The following TC2N variants were observed in gnomAD, a reference collection of about 807,000 sequenced individuals.
TC2N encodes the protein tandem C2 domains nuclear protein.
A neutral mutation model predicts 61.9 loss-of-function variants in TC2N; 51 were observed. The observed-to-expected ratio is 0.82, with a 90% CI of 0.66 to 1.04. TC2N has a LOEUF of 1.04. Ranked by LOEUF, TC2N falls within the 50% of genes least tolerant of loss-of-function variation. The pLI is 0.00. For synonymous variants in TC2N, 204 were observed against 192.6 expected, an observed-to-expected ratio of 1.06 and a Z score of -0.49; for missense variants, 556 against 566.7, an observed-to-expected ratio of 0.98 and a Z score of 0.19.
chr14:91,809,837 C>T (rs1374563628), intron 3 of TC2N, among the ~76,000 whole-genome samples: 2 of 152,112 alleles, frequency 1.3e-5, no homozygotes, highest in African/African-American at 2.4e-5. Flanking sequence ...AACTACCACC[C>T]AAGAGCTGCC....
intron 4 of TC2N, among the ~76,000 whole-genome samples, chr14:91,801,196 A>T (rs529201120): frequency 2.0e-5 from 3 of 152,034 alleles, no homozygotes; most frequent in Non-Finnish European, 4.4e-5. Context: ...TAATCACTTA[A>T]GCAGTTTGTT....
intron 3 of TC2N, among the ~76,000 whole-genome samples, chr14:91,807,485 C>T (rs890245287): frequency 6.6e-6 from 1 of 152,184 alleles, no homozygotes; most frequent in East Asian, 1.9e-4. Context: ...GACCTGGATG[C>T]GAGACATGGA....
At position 91,781,770 on chromosome 14, in the gene TC2N, G is replaced by A. The variant is rs1885143674; in HGVS notation, c.*1330C>T. The A allele has an allele frequency of 6.6e-6, 1 of 152,060 alleles. No individual in the cohort carries two copies. Among genetic ancestry groups the A allele is most frequent in the Non-Finnish European group, 1.5e-5 (1 of 67,972 alleles). The allele number at this position is 152,060 out of a possible 1,614,324, so 9.4% of individuals were successfully genotyped here. A position where few individuals can be genotyped will look rare whatever the true frequency, so the allele number is the denominator to read the frequency against. On this transcript the variant is annotated 3_prime_UTR_variant, in exon 12 of 12. Coordinates refer to ENST00000435962, the MANE Select transcript of TC2N (RefSeq NM_001128596.3). ...TAGAAGCAAAGGGGATATAAGATGT[G>A]GACATTTTGTAGCTTGAGGAGATGG... is the stretch of plus-strand genomic sequence containing the variant.
At chr14:91,853,890 ATT>A (rs1253540877) in intron 1 of TC2N, among the ~76,000 whole-genome samples, 1 of 152,016 alleles carries the variant, frequency 6.6e-6, no homozygotes, top group Admixed American at 6.6e-5. Context: ...TGTGGGATGC[ATT>A]GTTTGTGCAA....
At chr14:91,816,693 G>A (rs1182037237) in intron 1 of TC2N, among the ~76,000 whole-genome samples, 3 of 151,830 alleles carry the variant, frequency 2.0e-5, no homozygotes, top group Non-Finnish European at 4.4e-5. Flanking sequence ...CTGACATCCT[G>A]TTATACAGTA....
chr14:91,818,681 C>T (rs1032500072), intron 1 of TC2N, among the ~76,000 whole-genome samples: 31 of 151,772 alleles, frequency 2.0e-4, no homozygotes, highest in African/African-American at 6.3e-4. Context: ...GAGATATGGA[C>T]GATATTAAAA....
In TC2N at chr14:91,787,753, A is replaced by G. The variant is rs1045175167; in HGVS notation, c.1048-126T>C. 7 of 594,006 alleles carry G rather than the reference A, an allele frequency of 1.2e-5. No homozygotes were observed. In the Admixed American group the frequency reaches 1.3e-4, roughly 11 times the overall value. The allele number at this position is 594,006 out of a possible 1,614,324, so 36.8% of individuals were successfully genotyped here. On this transcript the variant is annotated intron_variant, in intron 9 of 11. Transcript: ENST00000435962. ...TTCCTTTCAAATGATATTCAAAACTATAAGTTACAAGACAAAGTTATGAAG... is the reference window on the plus strand; with the variant it reads ...TTCCTTTCAAATGATATTCAAAACTGTAAGTTACAAGACAAAGTTATGAAG...
chr14:91,798,886 G>A (rs1397528905), intron 6 of TC2N, 103 bp downstream of exon 6: 5 of 705,664 alleles, frequency 7.1e-6, no homozygotes, highest in Non-Finnish European at 9.4e-6. Context: ...CAACATAGTA[G>A]ATACAATCAT....
chr14:91,804,837 G>A (rs527937944), intron 3 of TC2N, among the ~76,000 whole-genome samples: 1 of 152,046 alleles, frequency 6.6e-6, no homozygotes, highest in African/African-American at 2.4e-5. Flanking sequence ...AGAAGCTATG[G>A]GGTTACTAGT....
chr14:91,782,388 T>C lies in TC2N; in HGVS notation c.*712A>G, dbSNP rs1885170228. 6.6e-6 allele frequency: 1 copy of C among 151,956 alleles called. No individual in the cohort carries two copies. The highest frequency in any genetic ancestry group is 2.4e-5 in the African/African-American group (1 of 41,448). The allele number at this position is 151,956 out of a possible 1,614,324, so 9.4% of individuals were successfully genotyped here. On this transcript the variant is annotated 3_prime_UTR_variant, in exon 12 of 12. Transcript: ENST00000435962. ...CCAAATAAAACAAATAGTAAAATAT[T>C]TGAGGGAAGAAAACAGCAAAGTATG...
At chr14:91,853,324 G>A (rs1415046653) in intron 1 of TC2N, among the ~76,000 whole-genome samples, 1 of 152,164 alleles carries the variant, frequency 6.6e-6, no homozygotes, top group African/African-American at 2.4e-5. Flanking sequence ...GAGGAAGGTG[G>A]CTGGGACTCA....
intron 11 of TC2N, among the ~76,000 whole-genome samples, chr14:91,784,736 C>A (rs1885281403): frequency 6.6e-6 from 1 of 151,992 alleles, no homozygotes; most frequent in Non-Finnish European, 1.5e-5. Context: ...TGGACATGTT[C>A]TAGGAATTCA....
chr14:91,849,650 A>T (rs1335805485), intron 1 of TC2N, among the ~76,000 whole-genome samples: 4 of 152,202 alleles, frequency 2.6e-5, no homozygotes, highest in Non-Finnish European at 5.9e-5. Flanking sequence ...TCCCTCTAAG[A>T]TTCTTTGGAA....
intron 1 of TC2N, among the ~76,000 whole-genome samples, chr14:91,844,390 G>A (rs1254346359): frequency 2.0e-5 from 3 of 152,092 alleles, no homozygotes; most frequent in Non-Finnish European, 2.9e-5. Flanking sequence ...CCAAACAAAC[G>A]CACATGCCCA....
intron 9 of TC2N, among the ~76,000 whole-genome samples, chr14:91,791,433 T>C (rs914917117): frequency 6.6e-6 from 1 of 152,182 alleles, no homozygotes; most frequent in African/African-American, 2.4e-5. Flanking sequence ...GGTTTGACCT[T>C]ACAAAAGCTT....
chr14:91,836,687 T>C (rs1206912617), intron 1 of TC2N, among the ~76,000 whole-genome samples: 1 of 123,946 alleles, frequency 8.1e-6, no homozygotes, highest in Admixed American at 8.6e-5. Flanking sequence ...GGGCGGGGCC[T>C]CCCGCGTACC....
chr14:91,855,693 G>A (rs1888469468), intron 1 of TC2N, among the ~76,000 whole-genome samples: 1 of 152,210 alleles, frequency 6.6e-6, no homozygotes, highest in Admixed American at 6.5e-5. Flanking sequence ...TCACTACAGT[G>A]TTGTTTATTT....
chr14:91,787,082 T>C (rs937082717), intron 10 of TC2N, among the ~76,000 whole-genome samples: 2 of 152,218 alleles, frequency 1.3e-5, no homozygotes, highest in Admixed American at 6.5e-5. Context: ...TCACAACTCC[T>C]GGTTGTAGAC....
intron 1 of TC2N, among the ~76,000 whole-genome samples, chr14:91,860,571 T>C: frequency 6.6e-6 from 1 of 152,218 alleles, no homozygotes; most frequent in African/African-American, 2.4e-5. Flanking sequence ...AAGTCCAAAC[T>C]CAACTAGGTG....
Sources: gnomAD v4.1 joint callset for allele counts (sites outside exome capture counted in the v4.1 genomes callset) on GRCh38, gnomAD v4.1.1 for gene constraint, MANE v1.5 for transcripts, NCBI Gene and HGNC (gene_info 2026-07-23, HGNC 2026-07-21) for gene names.